The following CYTH3 variants were observed in gnomAD, a reference collection of about 807,000 sequenced individuals.
CYTH3 encodes cytohesin 3.
CYTH3 carries 23 observed loss-of-function variants against 55.1 expected under a neutral mutation model. The ratio of observed to expected loss-of-function variants is 0.42; its 90% CI spans 0.30 to 0.59. The LOEUF (loss-of-function observed/expected upper bound fraction) is 0.59, where lower values mean the gene tolerates loss of function less well. CYTH3 is among the 20% of genes least tolerant of loss of function. CYTH3 has a pLI of 0.20. For missense variants in CYTH3, 413 were observed against 524.8 expected (o/e 0.79, Z 2.08); for synonymous variants, 249 against 194.9 (o/e 1.28, Z -2.31).
intron 1 of CYTH3, among the ~76,000 whole-genome samples, chr7:6,261,580 G>A (rs886477410): frequency 2.0e-5 from 3 of 151,404 alleles, no homozygotes; most frequent in South Asian, 4.2e-4. Context: ...GCTGGGCATG[G>A]TGGCATGTGC....
chr7:6,261,145 A>T (rs1420280464), intron 1 of CYTH3, among the ~76,000 whole-genome samples: 3 of 152,186 alleles, frequency 2.0e-5, no homozygotes, highest in African/African-American at 7.2e-5. Context: ...CAGAAAAGTG[A>T]GCCCAATCAC....
intron 1 of CYTH3, among the ~76,000 whole-genome samples, chr7:6,263,802 G>GAAAAAAAAA (rs199590342): frequency 8.2e-6 from 1 of 122,406 alleles, no homozygotes; most frequent in Non-Finnish European, 1.8e-5. Flanking sequence ...CTAACTTCAG[G>GAAAAAAAAA]AAAAAAAAAA....
At chr7:6,202,820 G>A (rs1784089145) in intron 1 of CYTH3, among the ~76,000 whole-genome samples, 1 of 152,086 alleles carries the variant, frequency 6.6e-6, no homozygotes, top group Non-Finnish European at 1.5e-5. Flanking sequence ...AGAAGTAACT[G>A]ATACATTTAC....
intron 6 of CYTH3, chr7:6,173,113 CG>C: frequency 1.0e-6 from 1 of 980,884 alleles, no homozygotes; most frequent in African/African-American, 1.7e-5. Context: ...GAAGAGCCCA[CG>C]CGACTCAGCC....
chr7:6,170,441 G>A lies in CYTH3; in HGVS notation c.823+94C>T. 1 of 1,143,688 alleles carries A rather than the reference G, an allele frequency of 8.7e-7. No individual in the cohort carries two copies. The highest frequency in any genetic ancestry group is 1.5e-5 in the African/African-American group (1 of 64,590). The allele number at this position is 1,143,688 out of a possible 1,614,324, so 70.8% of individuals were successfully genotyped here. A position where few individuals can be genotyped will look rare whatever the true frequency, so the allele number is the denominator to read the frequency against. ...CTTTTTAACGTCTCTGCCTGCGGTG[G>A]GGGGCATTCCTACGATGAGCCTGGG... On this transcript the variant is annotated intron_variant, in intron 9 of 12. Coordinates refer to ENST00000350796, the MANE Select transcript of CYTH3 (RefSeq NM_004227.4). The surrounding 1 kb of genome is among the most constrained non-coding windows in gnomAD (Gnocchi z 7.8).
chr7:6,182,690 G>A (rs921387180), intron 4 of CYTH3, among the ~76,000 whole-genome samples: 2 of 152,060 alleles, frequency 1.3e-5, no homozygotes, highest in Non-Finnish European at 2.9e-5. Flanking sequence ...TAAAAAAACT[G>A]TTTATAGAGA....
chr7:6,237,731 C>T (rs906820015), intron 1 of CYTH3, among the ~76,000 whole-genome samples: 19 of 151,920 alleles, frequency 1.3e-4, no homozygotes, highest in Non-Finnish European at 1.5e-5. Context: ...AAAAAAAAAC[C>T]ACACATGCAA....
At chr7:6,257,233 GCCT>G (rs2115055386) in intron 1 of CYTH3, among the ~76,000 whole-genome samples, 1 of 152,250 alleles carries the variant, frequency 6.6e-6, no homozygotes, top group East Asian at 1.9e-4. Flanking sequence ...GGGAAATACA[GCCT>G]CATCATGTGA....
rs1784414730 is a variant in CYTH3 at position 6,215,919 on chromosome 7, G to A, written c.35-25388C>T. Among the ~76,000 whole-genome samples the A allele has an allele frequency of 2.6e-5, 4 of 152,292 alleles. No individual in the cohort carries two copies. In the East Asian group the frequency reaches 7.7e-4, roughly 29 times the overall value. On this transcript the variant is annotated intron_variant, in intron 1 of 12. Transcript: ENST00000350796. ...ACATTCTTCAAGTGAAGAAAGAACT[G>A]TCAACCCTGAATTCTATATCTGGTG...
chr7:6,190,412 G>C (rs1210680608), intron 2 of CYTH3, 37 bp downstream of exon 2: 1 of 1,382,620 alleles, frequency 7.2e-7, no homozygotes, highest in Middle Eastern at 2.0e-4. Flanking sequence ...GCAAAAAACA[G>C]AGTTTTGGAT....
intron 1 of CYTH3, among the ~76,000 whole-genome samples, chr7:6,245,447 A>G (rs1327270513): frequency 6.6e-6 from 1 of 151,984 alleles, no homozygotes; most frequent in Non-Finnish European, 1.5e-5. Context: ...ACTGCTCTCT[A>G]CTTTCTTTTT....
intron 1 of CYTH3, among the ~76,000 whole-genome samples, chr7:6,268,248 A>G (rs1408736016): frequency 6.6e-6 from 1 of 152,112 alleles, no homozygotes; most frequent in Non-Finnish European, 1.5e-5. Flanking sequence ...ACTCACCGCA[A>G]CCTGCACCTC....
intron 1 of CYTH3, among the ~76,000 whole-genome samples, chr7:6,249,050 G>T (rs1288908190): frequency 2.6e-5 from 4 of 152,112 alleles, no homozygotes; most frequent in African/African-American, 9.7e-5. Context: ...ACGCTGTTGG[G>T]TTTTTTCATC....
chr7:6,176,178 AATGCTATTATAAATGG>A (rs1157195321), intron 5 of CYTH3, among the ~76,000 whole-genome samples: 1 of 150,988 alleles, frequency 6.6e-6, no homozygotes, highest in Admixed American at 6.6e-5. Context: ...TATTCCTTTT[AATGCTATTATAAATGG>A]AGCTGTTTAC....
At chr7:6,233,787 T>C (rs1047276695) in intron 1 of CYTH3, among the ~76,000 whole-genome samples, 2 of 152,120 alleles carry the variant, frequency 1.3e-5, no homozygotes, top group African/African-American at 4.8e-5. Flanking sequence ...TATAACAAAA[T>C]GCGAAAGACT....
At chr7:6,224,823 A>G (rs1779199242) in intron 1 of CYTH3, among the ~76,000 whole-genome samples, 1 of 152,246 alleles carries the variant, frequency 6.6e-6, no homozygotes, top group Admixed American at 6.5e-5. Flanking sequence ...CCATCAATGG[A>G]TGAATGGATA....
intron 1 of CYTH3, among the ~76,000 whole-genome samples, chr7:6,233,939 G>C (rs1033100131): frequency 2.0e-5 from 3 of 152,132 alleles, no homozygotes; most frequent in Non-Finnish European, 4.4e-5. Flanking sequence ...TCCTCACTTG[G>C]TGGAAGGGGC....
chr7:6,233,855 G>C (rs546492898), intron 1 of CYTH3, among the ~76,000 whole-genome samples: 2 of 152,196 alleles, frequency 1.3e-5, no homozygotes, highest in Admixed American at 6.5e-5. Flanking sequence ...GGGAGTCCAA[G>C]ATCCAGGTGC....
chr7:6,225,052 C>A (rs1171808501), intron 1 of CYTH3, among the ~76,000 whole-genome samples: 1 of 152,154 alleles, frequency 6.6e-6, no homozygotes, highest in East Asian at 1.9e-4. Flanking sequence ...TAAGGACTGA[C>A]TGCAAACAGG....
Sources: allele counts gnomAD v4.1 joint callset (sites outside exome capture counted in the v4.1 genomes callset), GRCh38; gene constraint gnomAD v4.1.1; non-coding constraint Gnocchi (gnomAD v3.1); transcripts MANE v1.5; gene names NCBI Gene and HGNC (gene_info 2026-07-23, HGNC 2026-07-21).